Variants in TEKT3 observed in about 807,000 individuals in gnomAD.
The protein encoded by TEKT3 is tektin-3.
A neutral mutation model predicts 49.8 loss-of-function variants in TEKT3; 49 were observed. The ratio of observed to expected loss-of-function variants is 0.98; its 90% CI spans 0.78 to 1.25. The LOEUF (loss-of-function observed/expected upper bound fraction) is 1.25, where lower values mean the gene tolerates loss of function less well. TEKT3 is among the 50% of genes most tolerant of loss of function. The pLI, the probability that TEKT3 is intolerant of heterozygous loss-of-function variation, is 0.00. For missense variants in TEKT3, 595 were observed against 629.5 expected, an observed-to-expected ratio of 0.95 and a Z score of 0.59; for synonymous variants, 225 against 237.2, an observed-to-expected ratio of 0.95 and a Z score of 0.47.
intron 2 of TEKT3, chr17:15,338,550 C>CT (rs1912085768): frequency 6.7e-6 from 1 of 149,972 alleles, no homozygotes; most frequent in African/African-American, 2.4e-5. Context: ...GTCCCCCAGG[C>CT]TGGAGTGCAG....
chr17:15,315,280 A>G (rs1471411393), intron 5 of TEKT3, among the ~76,000 whole-genome samples: 2 of 152,212 alleles, frequency 1.3e-5, no homozygotes, highest in Non-Finnish European at 2.9e-5. Context: ...ACATTGAGCA[A>G]AGACATAAAA....
intron 2 of TEKT3, among the ~76,000 whole-genome samples, chr17:15,332,348 A>T (rs1327966253): frequency 6.6e-6 from 1 of 152,206 alleles, no homozygotes; most frequent in Non-Finnish European, 1.5e-5. Flanking sequence ...GAGAAAAGAG[A>T]AACAAGGTGA....
intron 7 of TEKT3, among the ~76,000 whole-genome samples, chr17:15,312,000 C>A (rs561355132): frequency 1.4e-4 from 21 of 152,288 alleles, no homozygotes; most frequent in African/African-American, 4.8e-4. Flanking sequence ...ATTTTTGTTT[C>A]TATTAAAGAC....
chr17:15,329,124 C>T (rs1055200400), intron 3 of TEKT3, among the ~76,000 whole-genome samples: 1 of 152,188 alleles, frequency 6.6e-6, no homozygotes, highest in African/African-American at 2.4e-5. Context: ...GCTGCTCTTA[C>T]GCCAGCTCTA....
chr17:15,319,194 TAACACTCA>T, intron 4 of TEKT3, 47 bp from the exon 5 acceptor site: 1 of 1,475,410 alleles, frequency 6.8e-7, no homozygotes, highest in Non-Finnish European at 9.3e-7. Flanking sequence ...TTATTGAATA[TAACACTCA>T]AAATCAACAA....
In TEKT3 at chr17:15,331,662, CT is replaced by C. The variant is rs1328326105; in HGVS notation, c.-29-49del. The C allele has an allele frequency of 5.7e-6, 8 of 1,397,630 alleles. No individual in the cohort carries two copies. The African/African-American group carries it at 8.6e-5, about 15-fold the overall frequency. 86.6% of individuals were successfully genotyped at this position (1,397,630 alleles called of 1,614,324 possible). A position where few individuals can be genotyped will look rare whatever the true frequency, so the allele number is the denominator to read the frequency against. On this transcript the variant is annotated intron_variant, in intron 2 of 8. Transcript: ENST00000395930. ...ATAAGACAGTCACATAAAATAATCT[CT>C]GGTGAAACATACAGATAAAAGGCCA...
intron 2 of TEKT3, chr17:15,338,675 T>A (rs974598015): frequency 1.1e-5 from 1 of 87,006 alleles, no homozygotes; most frequent in African/African-American, 5.5e-5. Flanking sequence ...TGGCTAATTT[T>A]TTTTTTTTTT....
At chr17:15,334,571 AG>A (rs1436240172) in intron 2 of TEKT3, among the ~76,000 whole-genome samples, 1 of 152,244 alleles carries the variant, frequency 6.6e-6, no homozygotes, top group Non-Finnish European at 1.5e-5. Flanking sequence ...ATGTGGACTG[AG>A]AAAAACAAAT....
intron 2 of TEKT3, among the ~76,000 whole-genome samples, chr17:15,337,711 A>T (rs1249283472): frequency 6.6e-6 from 1 of 152,084 alleles, no homozygotes; most frequent in East Asian, 1.9e-4. Flanking sequence ...GCATGGTGGA[A>T]GTTGCCTGTA....
chr17:15,324,113 T>G (rs138535208), intron 4 of TEKT3, among the ~76,000 whole-genome samples: 193 of 152,306 alleles, frequency 1.3e-3, no homozygotes, highest in African/African-American at 4.5e-3. Flanking sequence ...CAAGCCTCCT[T>G]TCATAATAAG....
At chr17:15,335,247 G>A (rs918403459) in intron 2 of TEKT3, among the ~76,000 whole-genome samples, 9 of 152,202 alleles carry the variant, frequency 5.9e-5, no homozygotes, top group Non-Finnish European at 8.8e-5. Context: ...GAGCTATGCC[G>A]AAATAGAGAT....
chr17:15,338,959 G>T (rs758222924), intron 2 of TEKT3, among the ~76,000 whole-genome samples: 10 of 152,058 alleles, frequency 6.6e-5, no homozygotes, highest in Non-Finnish European at 1.5e-4. Flanking sequence ...TTAGGCAACT[G>T]CTTATTATAC....
Position 15,308,725 on chromosome 17 carries a change from T to C in TEKT3, c.1195A>G (p.Arg399Gly). 1 of 1,613,932 alleles carries C rather than the reference T, an allele frequency of 6.2e-7. No homozygotes were observed. Among genetic ancestry groups the C allele is most frequent in the Non-Finnish European group, 8.5e-7 (1 of 1,180,026 alleles). The change falls in exon 8 of 9, where the codon AGA (arginine) becomes GGA (glycine). Residue 399 changes from arginine to glycine, a missense_variant. Arg to Gly is a moderately radical substitution (Grantham distance 125, BLOSUM62 -2). Coordinates refer to ENST00000395930, the MANE Select transcript of TEKT3 (RefSeq NM_031898.3). ...KTAFLKVAQT[R>G]LDERTRRPNI... ...GGCCGTCTTGTGCGCTCATCCAGTC[T>C]GGTCTGAGCCACCTTCAGGAAGGCA...
At position 15,314,066 on chromosome 17, in the gene TEKT3, C is replaced by T. The variant is rs111925538; in HGVS notation, c.878+21G>A. 47 of 1,613,994 alleles carry T rather than the reference C, an allele frequency of 2.9e-5. 1 individual carries two copies. The East Asian group carries it at 5.1e-4, about 18-fold the overall frequency. ...AGTTAAATGACATCGAAATCACAGC[C>T]GTGGCGTGTGCCTGACTTACGTTGC... is the stretch of plus-strand genomic sequence containing the variant. On this transcript the variant is annotated intron_variant, in intron 6 of 8. Transcript: ENST00000395930.
Position 15,308,749 on chromosome 17 carries a change from C to T in TEKT3, c.1171G>A (p.Ala391Thr), listed in dbSNP as rs1246372742. 6.2e-6 allele frequency: 10 copies of T among 1,614,064 alleles called. No individual in the cohort carries two copies. The highest frequency in any genetic ancestry group is 8.5e-6 in the Non-Finnish European group (10 of 1,180,020). Residue 391 changes from alanine to threonine, a missense_variant, in exon 8 of 9, where the codon GCC becomes ACC. By Grantham distance (58) the Ala-to-Thr change is moderately conservative (BLOSUM62 0). Coordinates refer to ENST00000395930, the MANE Select transcript of TEKT3 (RefSeq NM_031898.3). The part of the protein sequence containing the change: ...SIKKAIKDKT[A>T]FLKVAQTRLD... ...CTGGTCTGAGCCACCTTCAGGAAGG[C>T]AGTCTTGTCCTTGATGGCCTTCTTG...
At chr17:15,305,975 G>A (rs1250419305) in intron 8 of TEKT3, among the ~76,000 whole-genome samples, 2 of 151,842 alleles carry the variant, frequency 1.3e-5, no homozygotes. Flanking sequence ...ATTGCAGAGA[G>A]CTGTTCTGCT....
chr17:15,305,313 C>T (rs754989833), intron 8 of TEKT3, among the ~76,000 whole-genome samples: 8 of 152,284 alleles, frequency 5.3e-5, no homozygotes, highest in African/African-American at 1.9e-4. Context: ...AACATATCCA[C>T]GCTGTGCAAC....
At position 15,331,336 on chromosome 17, in the gene TEKT3, C is replaced by T; in HGVS notation, c.250G>A (p.Val84Ile). The T allele has an allele frequency of 6.2e-7, 1 of 1,614,176 alleles. No homozygotes were observed. Among genetic ancestry groups the T allele is most frequent in the Non-Finnish European group, 8.5e-7 (1 of 1,180,048 alleles). The part of the protein sequence containing the change: ...RVSENTMLPF[V>I]SNRTTFFTRY... ...GTGAAGAAAGTGGTTCTGTTGGAAA[C>T]AAAGGGAAGCATGGTATTCTCGGAC... The change falls in exon 3 of 9, where the codon GTT (valine) becomes ATT (isoleucine). Residue 84 changes from valine (V) to isoleucine (I), a missense_variant. Transcript: ENST00000395930.
chr17:15,324,383 G>A (rs1298976238), intron 4 of TEKT3, among the ~76,000 whole-genome samples: 2 of 152,114 alleles, frequency 1.3e-5, no homozygotes, highest in Non-Finnish European at 2.9e-5. Context: ...TGGCTGCTAT[G>A]AATAATGTTG....
Sources: gnomAD v4.1 joint callset for allele counts (sites outside exome capture counted in the v4.1 genomes callset) on GRCh38, gnomAD v4.1.1 for gene constraint, MANE v1.5 for transcripts, NCBI Gene and HGNC (gene_info 2026-07-23, HGNC 2026-07-21) for gene names.